Variants in SLC24A2 observed in about 807,000 individuals in gnomAD.
SLC24A2 encodes the protein sodium/potassium/calcium exchanger 2.
Under a neutral mutation model 62.0 loss-of-function variants are expected in SLC24A2, and 36 were observed. That is an observed-to-expected ratio of 0.58 (90% CI 0.44 to 0.77). SLC24A2 has a LOEUF of 0.77. SLC24A2 is among the 30% of genes least tolerant of loss of function. The probability of loss-of-function intolerance (pLI) is 0.00; values close to 1 mark genes in which losing one functional copy is unlikely to be tolerated. For synonymous variants in SLC24A2, 358 were observed against 294.0 expected, an observed-to-expected ratio of 1.22 and a Z score of -2.23; for missense variants, 846 against 817.9, an observed-to-expected ratio of 1.03 and a Z score of -0.42.
At chr9:20,307,878 A>G in the SLC24A2 span, among the ~76,000 whole-genome samples, 1 of 152,124 alleles carries the variant, frequency 6.6e-6, no homozygotes, top group Admixed American at 6.5e-5. Context: ...TGATTTGACT[A>G]CAAGATTTAC....
chr9:19,525,528 C>T (rs762597089), intron 9 of SLC24A2, among the ~76,000 whole-genome samples: 6 of 151,032 alleles, frequency 4.0e-5, no homozygotes, highest in Admixed American at 6.6e-5. Context: ...CTCAACCTCC[C>T]GAGTAGCTGG....
At chr9:19,782,860 T>C (rs1390631099) in intron 2 of SLC24A2, among the ~76,000 whole-genome samples, 1 of 152,192 alleles carries the variant, frequency 6.6e-6, no homozygotes, top group Non-Finnish European at 1.5e-5. Flanking sequence ...TTAAAATGAC[T>C]TCTCTGAAAT....
the SLC24A2 span, among the ~76,000 whole-genome samples, chr9:19,876,797 T>G: frequency 6.6e-6 from 1 of 152,170 alleles, no homozygotes; most frequent in East Asian, 1.9e-4. Context: ...CCACAAGGGT[T>G]GCTAGAAGAT....
intron 2 of SLC24A2, among the ~76,000 whole-genome samples, chr9:19,636,318 T>TTTCCTTTCCTTTCCTTTCC (rs1818331127): frequency 3.1e-5 from 1 of 32,220 alleles, no homozygotes; most frequent in African/African-American, 1.2e-4. Flanking sequence ...TCTTTTCTTT[T>TTTCCTTTCCTTTCCTTTCC]CTTTCTTTCT....
At chr9:20,075,115 G>A in the SLC24A2 span, among the ~76,000 whole-genome samples, 1 of 152,064 alleles carries the variant, frequency 6.6e-6, no homozygotes, top group South Asian at 2.1e-4. Context: ...CACTACTTTG[G>A]CATTACTACT....
chr9:19,885,168 T>A, the SLC24A2 span, among the ~76,000 whole-genome samples: 2 of 152,110 alleles, frequency 1.3e-5, no homozygotes, highest in African/African-American at 4.8e-5. Context: ...AAGAAAAAAG[T>A]TCCTCAAGAA....
intron 2 of SLC24A2, among the ~76,000 whole-genome samples, chr9:19,693,635 C>T (rs1479185330): frequency 6.6e-6 from 1 of 151,986 alleles, no homozygotes; most frequent in African/African-American, 2.4e-5. Context: ...AAAAGGACAT[C>T]GACAAGACTG....
chr9:19,755,892 G>T (rs567355997), intron 2 of SLC24A2, among the ~76,000 whole-genome samples: 1 of 148,658 alleles, frequency 6.7e-6, no homozygotes, highest in African/African-American at 2.5e-5. Context: ...TGGTTTTAGC[G>T]ATGTAGCTCT....
the SLC24A2 span, among the ~76,000 whole-genome samples, chr9:19,958,483 C>T: frequency 3.3e-5 from 5 of 152,178 alleles, no homozygotes; most frequent in Admixed American, 1.3e-4. Context: ...GGACCCAAGC[C>T]ACGGTGTGCA....
the SLC24A2 span, among the ~76,000 whole-genome samples, chr9:20,268,236 G>C: frequency 2.0e-5 from 3 of 152,150 alleles, no homozygotes; most frequent in African/African-American, 4.8e-5. Context: ...GCAGAGGAGA[G>C]GGCGCTCCCT....
At chr9:20,304,543 T>C in the SLC24A2 span, among the ~76,000 whole-genome samples, 1 of 152,244 alleles carries the variant, frequency 6.6e-6, no homozygotes, top group East Asian at 1.9e-4. Flanking sequence ...TTGGAAAGTT[T>C]CAATCACACA....
rs1836989077 is a variant in SLC24A2, at chr9:19,606,550, CA to C, written c.1079-9272del. ...TAAAGTTCCCCCAGAGTCTTGTCTA[CA>C]GTGGGGGCCTGTAAAGGAGAACATT... On this transcript the variant is annotated intron_variant, in intron 4 of 10. Coordinates refer to ENST00000341998, the MANE Select transcript of SLC24A2 (RefSeq NM_020344.4). Among the ~76,000 whole-genome samples, 5 of 152,230 alleles carry C rather than the reference CA, an allele frequency of 3.3e-5. No individual in the cohort carries two copies. In the South Asian group the frequency reaches 8.3e-4, roughly 25 times the overall value.
intron 8 of SLC24A2, among the ~76,000 whole-genome samples, chr9:19,539,435 T>G (rs1399743319): frequency 1.3e-5 from 2 of 151,920 alleles, no homozygotes; most frequent in African/African-American, 4.9e-5. Context: ...GAAGAACATC[T>G]TTATTTCTGC....
the SLC24A2 span, among the ~76,000 whole-genome samples, chr9:20,278,951 G>T: frequency 5.9e-5 from 9 of 152,170 alleles, no homozygotes; most frequent in African/African-American, 2.2e-4. Context: ...GGATTAGGAG[G>T]CCTCAAGGCA....
chr9:19,685,511 T>C lies in SLC24A2; in HGVS notation c.931-63212A>G, dbSNP rs368131621. Among the ~76,000 whole-genome samples the C allele has an allele frequency of 2.0e-5, 3 of 152,170 alleles. No individual in the cohort carries two copies. In the East Asian group the frequency reaches 5.8e-4, roughly 29 times the overall value. ...CATCATGTTATCTAACTTCAAACTA[T>C]ACTACAAGGCTACAGTAACCAACAC... On this transcript the variant is annotated intron_variant, in intron 2 of 10. Coordinates refer to ENST00000341998, the MANE Select transcript of SLC24A2 (RefSeq NM_020344.4).
At chr9:19,934,258 C>A in the SLC24A2 span, among the ~76,000 whole-genome samples, 1 of 152,170 alleles carries the variant, frequency 6.6e-6, no homozygotes, top group Non-Finnish European at 1.5e-5. This position sits in a 1 kb window ranked among gnomAD's most constrained non-coding sequence, Gnocchi z 4.1. Flanking sequence ...GACGGGGTGG[C>A]CGGGCCTCAA....
chr9:20,299,508 G>A, the SLC24A2 span, among the ~76,000 whole-genome samples: 1 of 152,178 alleles, frequency 6.6e-6, no homozygotes, highest in Non-Finnish European at 1.5e-5. Flanking sequence ...CCCTTGAGGG[G>A]GCTCCAATGT....
At chr9:19,755,845 C>T (rs951874662) in intron 2 of SLC24A2, among the ~76,000 whole-genome samples, 18 of 152,146 alleles carry the variant, frequency 1.2e-4, no homozygotes, top group Admixed American at 9.8e-4. Flanking sequence ...TTTTACTCAC[C>T]TACAGTCAGA....
upstream of SLC24A2, among the ~76,000 whole-genome samples, chr9:19,792,985 A>G (rs1042443020): frequency 6.6e-6 from 1 of 152,214 alleles, no homozygotes; most frequent in Non-Finnish European, 1.5e-5. Context: ...AAGACTCCTG[A>G]CAATGACCCT....
Sources: gnomAD v4.1 joint callset for allele counts (sites outside exome capture counted in the v4.1 genomes callset) on GRCh38, gnomAD v4.1.1 for gene constraint, Gnocchi (gnomAD v3.1) non-coding constraint, MANE v1.5 for transcripts, NCBI Gene and HGNC (gene_info 2026-07-23, HGNC 2026-07-21) for gene names.